The following FOXP1 variants were observed in gnomAD, a reference collection of about 807,000 sequenced individuals.
FOXP1 encodes the protein forkhead box P1.
Under a neutral mutation model 98.2 loss-of-function variants are expected in FOXP1, and 15 were observed. The observed-to-expected ratio is 0.15, with a 90% CI of 0.10 to 0.24. The LOEUF is 0.24. FOXP1 is among the 10% of genes least tolerant of loss of function. The pLI is 1.00. For missense variants in FOXP1, 633 were observed against 848.5 expected, an observed-to-expected ratio of 0.75 and a Z score of 3.15; for synonymous variants, 371 against 314.5, an observed-to-expected ratio of 1.18 and a Z score of -1.90.
intron 5 of FOXP1, among the ~76,000 whole-genome samples, chr3:71,279,890 G>C (rs1008080443): frequency 6.6e-6 from 1 of 152,042 alleles, no homozygotes; most frequent in Admixed American, 6.6e-5. Context: ...TTGCGAGGCC[G>C]AGGCAGGCGG....
chr3:71,011,132 C>T (rs535889978), intron 12 of FOXP1, among the ~76,000 whole-genome samples: 1 of 152,126 alleles, frequency 6.6e-6, no homozygotes, highest in Non-Finnish European at 1.5e-5. Context: ...TATGACCAGT[C>T]AATGCGTAAC....
intron 6 of FOXP1, among the ~76,000 whole-genome samples, chr3:71,195,901 C>T (rs1394365013): frequency 6.6e-6 from 1 of 152,214 alleles, no homozygotes; most frequent in East Asian, 1.9e-4. Flanking sequence ...GAAGAAAACT[C>T]TGATAACTCT....
intron 7 of FOXP1, among the ~76,000 whole-genome samples, chr3:71,078,472 T>C (rs2054055084): frequency 1.3e-5 from 2 of 152,156 alleles, no homozygotes; most frequent in South Asian, 4.1e-4. Flanking sequence ...ACACAAATAA[T>C]AAATGTCATT....
At chr3:71,044,190 A>G (rs2048721545) in intron 10 of FOXP1, among the ~76,000 whole-genome samples, 1 of 152,236 alleles carries the variant, frequency 6.6e-6, no homozygotes, top group East Asian at 1.9e-4. Flanking sequence ...GTCACTCATC[A>G]GACTAAATGG....
At chr3:71,379,331 G>T (rs1343310761) in intron 3 of FOXP1, among the ~76,000 whole-genome samples, 1 of 152,136 alleles carries the variant, frequency 6.6e-6, no homozygotes, top group Non-Finnish European at 1.5e-5. Context: ...TCAGGAAGTT[G>T]TTCTCTTTTC....
intron 4 of FOXP1, among the ~76,000 whole-genome samples, chr3:71,349,304 T>C (rs1232233396): frequency 6.6e-6 from 1 of 152,242 alleles, no homozygotes; most frequent in Non-Finnish European, 1.5e-5. Flanking sequence ...ATTTTCCTTA[T>C]GAAATGCATC....
At chr3:71,493,376 T>G (rs907759683) in intron 3 of FOXP1, 50 bp downstream of exon 3, 3 of 152,230 alleles carry the variant, frequency 2.0e-5, no homozygotes, top group Non-Finnish European at 2.9e-5. Context: ...TGAAGGACTT[T>G]TTGTCTTGTG....
chr3:71,008,085 G>A (rs549377605), intron 12 of FOXP1, among the ~76,000 whole-genome samples: 2 of 152,222 alleles, frequency 1.3e-5, no homozygotes, highest in South Asian at 2.1e-4. Flanking sequence ...TTTAGTAGAC[G>A]TTATACAAGT....
chr3:70,974,426 T>TAG (rs1575774737), intron 17 of FOXP1, among the ~76,000 whole-genome samples: 1 of 151,968 alleles, frequency 6.6e-6, no homozygotes. Context: ...GCCTCCTGAG[T>TAG]AGTTGGGACT....
intron 3 of FOXP1, among the ~76,000 whole-genome samples, chr3:71,469,931 G>A (rs2089163108): frequency 6.6e-6 from 1 of 152,020 alleles, no homozygotes; most frequent in African/African-American, 2.4e-5. Flanking sequence ...CCTGTCTGTA[G>A]GACAGAAATG....
At chr3:71,153,103 A>C (rs1266080338) in intron 6 of FOXP1, among the ~76,000 whole-genome samples, 3 of 152,176 alleles carry the variant, frequency 2.0e-5, no homozygotes, top group Admixed American at 2.0e-4. Context: ...AGATAAGCAC[A>C]TCCTGCTTTC....
chr3:71,296,687 G>C (rs2073331270), intron 5 of FOXP1, among the ~76,000 whole-genome samples: 1 of 145,180 alleles, frequency 6.9e-6, no homozygotes, highest in African/African-American at 2.5e-5. Context: ...CTTTGGAAAT[G>C]TGTCCCCTCC....
intron 2 of FOXP1, among the ~76,000 whole-genome samples, chr3:71,506,421 C>T (rs1466025139): frequency 2.6e-5 from 4 of 152,044 alleles, no homozygotes; most frequent in Admixed American, 6.6e-5. Context: ...ATCTGCTATT[C>T]GAATCCGCAC....
At chr3:71,457,944 T>A (rs1205104334) in intron 3 of FOXP1, among the ~76,000 whole-genome samples, 1 of 152,152 alleles carries the variant, frequency 6.6e-6, no homozygotes, top group Non-Finnish European at 1.5e-5. Context: ...TTGCAGCACA[T>A]CTCAACCAGT....
intron 12 of FOXP1, among the ~76,000 whole-genome samples, chr3:71,010,804 G>C (rs1319879334): frequency 6.6e-6 from 1 of 151,966 alleles, no homozygotes; most frequent in East Asian, 1.9e-4. Flanking sequence ...AGTACTTGAT[G>C]CATCACTCTC....
At chr3:71,230,947 G>C (rs1171220346) in intron 5 of FOXP1, among the ~76,000 whole-genome samples, 3 of 152,126 alleles carry the variant, frequency 2.0e-5, no homozygotes, top group Non-Finnish European at 2.9e-5. Flanking sequence ...CTACAAGTAA[G>C]ACAGGCTTGC....
At chr3:71,329,583 T>A (rs1217390029) in intron 4 of FOXP1, among the ~76,000 whole-genome samples, 1 of 70,032 alleles carries the variant, frequency 1.4e-5, no homozygotes, top group Admixed American at 2.0e-4. Context: ...GAGCAAAATG[T>A]TGAAAAAAAA....
At chr3:71,515,195 T>C (rs2042475084) in intron 2 of FOXP1, among the ~76,000 whole-genome samples, 2 of 152,100 alleles carry the variant, frequency 1.3e-5, no homozygotes, top group East Asian at 1.9e-4. Context: ...TATATAACCA[T>C]GGCTATAGTA....
rs112188528 is a variant in FOXP1 at position 71,407,661 on chromosome 3, C to CGT, written c.-167-48419_-167-48418dup. Among the ~76,000 whole-genome samples the CGT allele has an allele frequency of 5.0e-3, 743 of 150,008 alleles. 3 individuals carry two copies. The highest frequency in any genetic ancestry group is 0.015 in the African/African-American group (632 of 40,930). On this transcript the variant is annotated intron_variant, in intron 3 of 20. Coordinates refer to ENST00000649528, the MANE Select transcript of FOXP1 (RefSeq NM_001349338.3). The stretch of plus-strand genomic sequence containing the variant: ...GGTTGTGAGATACAGAAGAACTGTG[C>CGT]GTGTGTGTGTGTGTGTGTATACATC...
Sources: gnomAD v4.1 joint callset for allele counts (sites outside exome capture counted in the v4.1 genomes callset) on GRCh38, gnomAD v4.1.1 for gene constraint, MANE v1.5 for transcripts, NCBI Gene and HGNC (gene_info 2026-07-23, HGNC 2026-07-21) for gene names.